Variants in MS4A10 observed in about 807,000 individuals in gnomAD.
MS4A10 encodes the protein membrane-spanning 4-domains subfamily A member 10.
Under a neutral mutation model 27.7 loss-of-function variants are expected in MS4A10, and 27 were observed. The observed-to-expected ratio is 0.98, with a 90% confidence interval of 0.72 to 1.35. MS4A10 has a LOEUF of 1.35. MS4A10 is among the 40% of genes most tolerant of loss of function. MS4A10 has a pLI of 0.00. For synonymous variants in MS4A10, 139 were observed against 131.2 expected, an observed-to-expected ratio of 1.06 and a Z score of -0.41; for missense variants, 338 against 324.7, an observed-to-expected ratio of 1.04 and a Z score of -0.32.
At chr11:60,791,201 A>G (rs1590997343) in intron 3 of MS4A10, 108 bp downstream of exon 3, 1 of 1,436,856 alleles carries the variant, frequency 7.0e-7, no homozygotes, top group East Asian at 2.3e-5. Flanking sequence ...AGCTAATAGG[A>G]GTGCGGCAGA....
chr11:60,793,466 C>T (rs543271653), intron 4 of MS4A10, among the ~76,000 whole-genome samples: 4 of 152,244 alleles, frequency 2.6e-5, no homozygotes, highest in Middle Eastern at 3.4e-3. Context: ...CCCGAGAGGA[C>T]GATGAATACA....
Position 60,794,074 on chromosome 11 carries a change from C to A in MS4A10, c.463C>A (p.Pro155Thr). Residue 155 changes from proline (P) to threonine (T), a missense_variant, in exon 5 of 8, where the codon CCG becomes ACG. Physicochemically the swap from Pro to Thr is conservative, Grantham distance 38. Coordinates refer to ENST00000308287, the MANE Select transcript of MS4A10 (RefSeq NM_206893.4). ...CTTTCTGGAGAGCCCATTTGAGTCC[C>A]CGATCTGGAGAATGTACCCCAACTC... Reference protein sequence around the residue: ...DLFLESPFESPIWRMYPNSTV... With the variant: ...DLFLESPFESTIWRMYPNSTV... The A allele has an allele frequency of 6.2e-7, 1 of 1,614,160 alleles. No homozygotes were observed. The highest frequency in any genetic ancestry group is 8.5e-7 in the Non-Finnish European group (1 of 1,180,026).
intron 6 of MS4A10, among the ~76,000 whole-genome samples, chr11:60,798,098 G>A (rs530923228): frequency 1.3e-5 from 2 of 152,344 alleles, no homozygotes; most frequent in East Asian, 3.9e-4. Flanking sequence ...GCCCCCCTCA[G>A]GAAACCCAAC....
rs1854515631 is a variant in MS4A10, at chr11:60,795,638, C to G, written c.576C>G (p.Ala192=). ...TGCCAGTGCCCACAGCTGTCACAGC[C>G]TGGAGAGGGGACTGCCCATCTGCAA... ...LFLPVPTAVT[A]WRGDCPSAKN... is the part of the protein sequence containing the mutation. The change falls in exon 6 of 8, where the codon GCC becomes GCG. Residue 192 remains alanine (A), a synonymous_variant. Coordinates refer to ENST00000308287, the MANE Select transcript of MS4A10 (RefSeq NM_206893.4). 1 of 1,592,352 alleles carries G rather than the reference C, an allele frequency of 6.3e-7. No individual in the cohort carries two copies. Among genetic ancestry groups the G allele is most frequent in the Non-Finnish European group, 8.6e-7 (1 of 1,169,394 alleles).
In MS4A10 at chr11:60,790,998, C is replaced by T. The variant is rs1308236679; in HGVS notation, c.208C>T (p.Leu70=). The T allele has an allele frequency of 3.1e-6, 5 of 1,614,204 alleles. No individual in the cohort carries two copies. The South Asian group carries it at 5.5e-5, about 18-fold the overall frequency. ...GGCCTTCCACATCACCATCGCTCTG[C>T]TGCACCTGGTCTTTGGGGGCTACCT... ...LGAFHITIAL[L]HLVFGGYLAS... is the part of the protein sequence containing the mutation. Residue 70 remains leucine, a synonymous_variant, in exon 3 of 8, where the codon CTG becomes TTG. Transcript: ENST00000308287.
rs1854516409 is a variant in MS4A10, at chr11:60,795,654, C to G, written c.592C>G (p.Pro198Ala). The change falls in exon 6 of 8, where the codon CCA (proline) becomes GCA (alanine). Residue 198 changes from proline to alanine, a missense_variant. By Grantham distance (27) the Pro-to-Ala change is conservative. Transcript: ENST00000308287. ...TAVTAWRGDCPSAKNDDACLV... is the reference protein window; with the variant it reads ...TAVTAWRGDCASAKNDDACLV... ...TGTCACAGCCTGGAGAGGGGACTGC[C>G]CATCTGCAAAGGTAAGACAAGGGCT... The G allele has an allele frequency of 6.3e-7, 1 of 1,578,176 alleles. No homozygotes were observed. Among genetic ancestry groups the G allele is most frequent in the Non-Finnish European group, 8.6e-7 (1 of 1,162,418 alleles).
At chr11:60,794,582 T>A (rs1183283735) in intron 5 of MS4A10, among the ~76,000 whole-genome samples, 2 of 152,206 alleles carry the variant, frequency 1.3e-5, no homozygotes, top group Non-Finnish European at 2.9e-5. Context: ...ACTCCAAGCC[T>A]GGTGCTCTTT....
At chr11:60,799,537 C>A (rs1854595356) in intron 7 of MS4A10, among the ~76,000 whole-genome samples, 1 of 152,136 alleles carries the variant, frequency 6.6e-6, no homozygotes, top group Admixed American at 6.5e-5. Context: ...CCCCTCCAAC[C>A]CCGTGGTCTC....
intron 6 of MS4A10, among the ~76,000 whole-genome samples, chr11:60,796,110 G>T (rs1251443934): frequency 6.6e-6 from 1 of 152,192 alleles, no homozygotes; most frequent in South Asian, 2.1e-4. Flanking sequence ...GAGTTTGGCT[G>T]TAGTGGAAAC....
At chr11:60,798,105 C>T (rs1409200586) in intron 6 of MS4A10, among the ~76,000 whole-genome samples, 12 of 152,220 alleles carry the variant, frequency 7.9e-5, no homozygotes, top group African/African-American at 2.4e-4. Flanking sequence ...TCAGGAAACC[C>T]AACAGGGTGA....
At chr11:60,796,145 G>A (rs915200550) in intron 6 of MS4A10, among the ~76,000 whole-genome samples, 4 of 151,938 alleles carry the variant, frequency 2.6e-5, no homozygotes, top group African/African-American at 9.7e-5. Context: ...TCAAAGATTG[G>A]GCATTTAAGG....
At position 60,790,326 on chromosome 11, in the gene MS4A10, T is replaced by A; in HGVS notation, c.-10T>A. ...CCCCGTCCTGCAGCCAGGGCCCCCA[T>A]CCAGCATCAATGAAAGCAGAAGCCA... On this transcript the variant is annotated 5_prime_UTR_variant, in exon 2 of 8. Transcript: ENST00000308287. 1 of 1,613,464 alleles carries A rather than the reference T, an allele frequency of 6.2e-7. No homozygotes were observed. The highest frequency in any genetic ancestry group is 8.5e-7 in the Non-Finnish European group (1 of 1,179,672).
intron 1 of MS4A10, among the ~76,000 whole-genome samples, chr11:60,786,170 CAT>C (rs111842264): frequency 7.5e-6 from 1 of 133,586 alleles, no homozygotes; most frequent in African/African-American, 3.3e-5. Flanking sequence ...CATGCACACA[CAT>C]GCACACACAC....
At chr11:60,786,976 C>T (rs1854350563) in intron 1 of MS4A10, among the ~76,000 whole-genome samples, 1 of 152,244 alleles carries the variant, frequency 6.6e-6, no homozygotes, top group Non-Finnish European at 1.5e-5. Context: ...CCCATTCTAG[C>T]TGACAACTTC....
chr11:60,794,909 T>A (rs1343377012), intron 5 of MS4A10, among the ~76,000 whole-genome samples: 1 of 152,166 alleles, frequency 6.6e-6, no homozygotes, highest in Non-Finnish European at 1.5e-5. Flanking sequence ...GGTCTCGAAC[T>A]CCTGACCTCT....
chr11:60,799,554 T>A (rs2134760278), intron 7 of MS4A10, among the ~76,000 whole-genome samples: 1 of 152,290 alleles, frequency 6.6e-6, no homozygotes, highest in Admixed American at 6.5e-5. Context: ...TCTCACCCAC[T>A]GCTTCCCTTC....
At chr11:60,799,363 A>G (rs1294059096) in intron 7 of MS4A10, among the ~76,000 whole-genome samples, 1 of 152,126 alleles carries the variant, frequency 6.6e-6, no homozygotes, top group African/African-American at 2.4e-5. Context: ...ACTTTTGCTT[A>G]TTTGTGAGCT....
At chr11:60,791,392 C>G (rs377480967) in intron 3 of MS4A10, among the ~76,000 whole-genome samples, 22 of 152,222 alleles carry the variant, frequency 1.4e-4, no homozygotes, top group Admixed American at 7.2e-4. Flanking sequence ...GACCCAGGGA[C>G]AGCTTCATTC....
chr11:60,799,735 C>T, intron 7 of MS4A10, 93 bp from the exon 8 acceptor site: 3 of 718,702 alleles, frequency 4.2e-6, no homozygotes, highest in Non-Finnish European at 7.6e-6. Context: ...TGACTCTGAG[C>T]CAAGTAAATG....
Sources: allele counts gnomAD v4.1 joint callset (sites outside exome capture counted in the v4.1 genomes callset), GRCh38; gene constraint gnomAD v4.1.1; transcripts MANE v1.5; gene names NCBI Gene and HGNC (gene_info 2026-07-23, HGNC 2026-07-21).